DDX4: variants seen among roughly 807,000 people sequenced by gnomAD.
The protein encoded by DDX4 is DEAD-box helicase 4.
Under a neutral mutation model 100.0 loss-of-function variants are expected in DDX4, and 25 were observed. The ratio of observed to expected loss-of-function variants is 0.25; its 90% confidence interval spans 0.18 to 0.35. The LOEUF (loss-of-function observed/expected upper bound fraction) is 0.35, where lower values mean the gene tolerates loss of function less well. Ranked by LOEUF, DDX4 falls within the 10% of genes least tolerant of loss-of-function variation. DDX4 has a pLI of 1.00. For missense variants in DDX4, 635 were observed against 882.4 expected (o/e 0.72, Z 3.55); for synonymous variants, 259 against 275.7 (o/e 0.94, Z 0.60).
At chr5:55,811,433 A>G (rs1356717270) in intron 18 of DDX4, among the ~76,000 whole-genome samples, 1 of 152,188 alleles carries the variant, frequency 6.6e-6, no homozygotes, top group Non-Finnish European at 1.5e-5. Context: ...TTATTTTAAT[A>G]TGCAAATATT....
At position 55,790,607 on chromosome 5, in the gene DDX4, G is replaced by A; in HGVS notation, c.1204G>A (p.Gly402Arg). 6.2e-7 allele frequency: 1 copy of A among 1,602,620 alleles called. No homozygotes were observed. The highest frequency in any genetic ancestry group is 8.5e-7 in the Non-Finnish European group (1 of 1,169,778). The change falls in exon 16 of 22, where the codon GGA becomes AGA. Residue 402 changes from glycine to arginine, a missense_variant. Coordinates refer to ENST00000505374, the MANE Select transcript of DDX4 (RefSeq NM_024415.3). ...TGTAAGAGCTGTTGTTATATATGGG[G>A]GAACCCAGCTGGGACATTCAATTCG... ...TCVRAVVIYG[G>R]TQLGHSIRQI...
At chr5:55,766,883 T>C in intron 6 of DDX4, 1 of 1,516,836 alleles carries the variant, frequency 6.6e-7, no homozygotes, top group East Asian at 2.5e-5. Flanking sequence ...AACATAGAAC[T>C]TTTACATTTC....
intron 18 of DDX4, among the ~76,000 whole-genome samples, chr5:55,808,327 A>G (rs778589870): frequency 6.6e-6 from 1 of 152,150 alleles, no homozygotes. Context: ...CGTCAAAGTC[A>G]TTCTCCGTCC....
intron 1 of DDX4, 31 bp from the exon 2 acceptor site, chr5:55,738,919 C>T (rs576274803): frequency 3.2e-5 from 37 of 1,162,196 alleles, no homozygotes; most frequent in Admixed American, 1.0e-4. Context: ...TAATTGAGTC[C>T]AAATGTGCAT....
chr5:55,785,336 C>G lies in DDX4; in HGVS notation c.665C>G (p.Ser222Cys), dbSNP rs374255122. 1.7e-4 allele frequency: 266 copies of G among 1,605,268 alleles called. No individual in the cohort carries two copies. The highest frequency in any genetic ancestry group is 2.2e-4 in the Non-Finnish European group (257 of 1,172,980). ...KGLNEEVITG[S>C]GKNSWKSEAE... ...TTAAATGAAGAAGTAATAACAGGCT[C>G]TGGAAAGAGTAAGTTTTCCTTAAAC... Residue 222 changes from serine to cysteine, a missense_variant, in exon 11 of 22, where the codon TCT becomes TGT. Coordinates refer to ENST00000505374, the MANE Select transcript of DDX4 (RefSeq NM_024415.3).
At chr5:55,792,224 A>C (rs961859169) in intron 16 of DDX4, among the ~76,000 whole-genome samples, 1 of 150,468 alleles carries the variant, frequency 6.6e-6, no homozygotes, top group Non-Finnish European at 1.5e-5. Context: ...GGTTTCTTTT[A>C]GACTTAATTT....
intron 3 of DDX4, among the ~76,000 whole-genome samples, chr5:55,750,804 CT>C (rs902615316): frequency 2.6e-5 from 4 of 152,052 alleles, no homozygotes; most frequent in African/African-American, 9.7e-5. Context: ...ACTTTTCCCC[CT>C]CATCACTGTT....
Position 55,814,848 on chromosome 5 carries a change from C to A in DDX4, c.1716-53C>A. ...ATTTGTATGTTGAACTTTAATGATT[C>A]ACTTTAATGATTTTAAGAGTGGTTC... On this transcript the variant is annotated intron_variant, in intron 19 of 21. Coordinates refer to ENST00000505374, the MANE Select transcript of DDX4 (RefSeq NM_024415.3). The A allele has an allele frequency of 3.2e-6, 5 of 1,541,680 alleles. No homozygotes were observed. In the South Asian group the frequency reaches 5.0e-5, roughly 15 times the overall value.
chr5:55,805,593 T>C (rs1743644893), intron 18 of DDX4, among the ~76,000 whole-genome samples: 1 of 152,238 alleles, frequency 6.6e-6, no homozygotes, highest in Non-Finnish European at 1.5e-5. Flanking sequence ...ATGTGGTTTT[T>C]GTCTTTGGCT....
intron 4 of DDX4, 90 bp downstream of exon 4, chr5:55,760,367 C>G (rs1740450724): frequency 3.0e-6 from 4 of 1,331,380 alleles, no homozygotes; most frequent in Non-Finnish European, 4.0e-6. Context: ...AAAGCTAAGT[C>G]TGTTGTAAGT....
chr5:55,812,973 A>G (rs1744201189), intron 18 of DDX4, among the ~76,000 whole-genome samples: 1 of 151,960 alleles, frequency 6.6e-6, no homozygotes, highest in Non-Finnish European at 1.5e-5. Context: ...TATGAACAGT[A>G]ATACATTTTT....
At position 55,804,139 on chromosome 5, in the gene DDX4, C is replaced by T. The variant is rs1277172723; in HGVS notation, c.1615+5568C>T. ...TGTCTTCTTTTGAGAAGTGTCTGTTCATGTCCTTTGCCCACTTTTTGATGG... is the reference window on the plus strand; with the variant it reads ...TGTCTTCTTTTGAGAAGTGTCTGTTTATGTCCTTTGCCCACTTTTTGATGG... On this transcript the variant is annotated intron_variant, in intron 18 of 21. Transcript: ENST00000505374. Among the ~76,000 whole-genome samples, 3 of 152,040 alleles carry T rather than the reference C, an allele frequency of 2.0e-5. No homozygotes were observed. In the East Asian group the frequency reaches 5.8e-4, roughly 29 times the overall value.
At chr5:55,799,291 TG>T (rs1289635823) in intron 18 of DDX4, among the ~76,000 whole-genome samples, 2 of 152,140 alleles carry the variant, frequency 1.3e-5, no homozygotes, top group African/African-American at 4.8e-5. Flanking sequence ...GGCCTTGAAC[TG>T]TTGGCCTCAA....
At chr5:55,758,305 GT>G (rs1451806445) in intron 3 of DDX4, among the ~76,000 whole-genome samples, 1 of 152,000 alleles carries the variant, frequency 6.6e-6, no homozygotes, top group Non-Finnish European at 1.5e-5. Flanking sequence ...TATCCATTCA[GT>G]TTACTGTTGG....
intron 8 of DDX4, 38 bp from the exon 9 acceptor site, chr5:55,781,027 CA>C: frequency 6.4e-7 from 1 of 1,553,202 alleles, no homozygotes; most frequent in Non-Finnish European, 8.7e-7. Context: ...AAAACTTCTT[CA>C]AAGTAATGTA....
At chr5:55,768,730 T>C (rs1388443816) in intron 7 of DDX4, among the ~76,000 whole-genome samples, 1 of 152,218 alleles carries the variant, frequency 6.6e-6, no homozygotes, top group East Asian at 1.9e-4. Context: ...GCTGAACTAA[T>C]TTACACTCCC....
chr5:55,788,044 G>C (rs1267614237), intron 15 of DDX4, 44 bp downstream of exon 15: 3 of 1,531,156 alleles, frequency 2.0e-6, no homozygotes, highest in Non-Finnish European at 2.6e-6. Context: ...TTTTTCTTTA[G>C]AGATTTTTTT....
intron 7 of DDX4, among the ~76,000 whole-genome samples, chr5:55,771,878 A>G (rs1248008543): frequency 1.3e-5 from 2 of 152,086 alleles, no homozygotes; most frequent in African/African-American, 4.8e-5. Flanking sequence ...GAGTATCTTT[A>G]CTTTTACCTT....
chr5:55,799,729 G>C (rs1236741544), intron 18 of DDX4, among the ~76,000 whole-genome samples: 2 of 151,988 alleles, frequency 1.3e-5, no homozygotes, highest in Admixed American at 6.6e-5. Context: ...GCCTTATTTT[G>C]AGACTGGAAG....
Sources: gnomAD v4.1 joint callset for allele counts (sites outside exome capture counted in the v4.1 genomes callset) on GRCh38, gnomAD v4.1.1 for gene constraint, MANE v1.5 for transcripts, NCBI Gene and HGNC (gene_info 2026-07-23, HGNC 2026-07-21) for gene names.